Variants in SOD2 observed in about 807,000 individuals in gnomAD.
The protein encoded by SOD2 is superoxide dismutase [Mn], mitochondrial.
Under a neutral mutation model 27.0 loss-of-function variants are expected in SOD2, and 11 were observed. That is an observed-to-expected ratio of 0.41 (90% confidence interval 0.26 to 0.67). SOD2 has a LOEUF of 0.67. Among genes scored for constraint, SOD2 ranks in the 30% least tolerant of loss-of-function variants. The pLI is 0.34. For synonymous variants in SOD2, 105 were observed against 103.0 expected (o/e 1.02, Z -0.12); for missense variants, 250 against 274.5 (o/e 0.91, Z 0.63).
intron 1 of SOD2, among the ~76,000 whole-genome samples, chr6:159,735,502 G>A (rs1225347882): frequency 6.6e-6 from 1 of 152,178 alleles, no homozygotes; most frequent in African/African-American, 2.4e-5. Context: ...TGTAATCCCA[G>A]CACTTTGGGA....
chr6:159,691,462 A>C (rs551732550), intron 2 of SOD2: 1 of 152,224 alleles, frequency 6.6e-6, no homozygotes, highest in African/African-American at 2.4e-5. Context: ...CTGTCTAAAA[A>C]TTACTCAACA....
At chr6:159,743,624 G>A (rs758650494) in intron 1 of SOD2, 2 of 1,548,412 alleles carry the variant, frequency 1.3e-6, no homozygotes, top group South Asian at 1.3e-5. Context: ...TTTAGAACTT[G>A]ATCTTAAAAT....
At position 159,673,312 on chromosome 6, in the gene SOD2, C is replaced by T. The variant is rs998165650; in HGVS notation, c.*9181G>A. On this transcript the variant is annotated 3_prime_UTR_variant, in exon 5 of 5. Transcript: ENST00000538183. ...AGAATATACATTCTTCTCAGCACCA[C>T]ATCGCACCTATTCCAAAATTGACCA... 1.3e-5 allele frequency: 2 copies of T among 152,334 alleles called. No homozygotes were observed. The allele number at this position is 152,334 out of a possible 1,614,324, so 9.4% of individuals were successfully genotyped here. A position where few individuals can be genotyped will look rare whatever the true frequency, so the allele number is the denominator to read the frequency against.
chr6:159,755,227 C>G, intron 1 of SOD2: 1 of 1,614,180 alleles, frequency 6.2e-7, no homozygotes, highest in Non-Finnish European at 8.5e-7. Flanking sequence ...CAAGTAAAGA[C>G]TGCAGTCGTC....
chr6:159,674,995 C>A lies in SOD2; in HGVS notation c.*7498G>T, dbSNP rs1296810376. ...CAAATCATGAGTGAACTCCCATTCA[C>A]AACTGCCTCAAAGAGAATAAAATAC... On this transcript the variant is annotated 3_prime_UTR_variant, in exon 5 of 5. Coordinates refer to ENST00000538183, the MANE Select transcript of SOD2 (RefSeq NM_000636.4). 1 of 152,118 alleles carries A rather than the reference C, an allele frequency of 6.6e-6. No homozygotes were observed. Among genetic ancestry groups the A allele is most frequent in the Non-Finnish European group, 1.5e-5 (1 of 68,038 alleles). The allele number at this position is 152,118 out of a possible 1,614,324, so 9.4% of individuals were successfully genotyped here.
At chr6:159,731,031 C>G (rs1778533503), upstream of SOD2, 1 of 152,132 alleles carries the variant, frequency 6.6e-6, no homozygotes, top group Non-Finnish European at 1.5e-5. Flanking sequence ...GTTCCAGCTC[C>G]TTGGGAGGCT....
At chr6:159,746,486 A>C (rs1779580590), upstream of SOD2, among the ~76,000 whole-genome samples, 2 of 152,164 alleles carry the variant, frequency 1.3e-5, no homozygotes, top group Admixed American at 6.5e-5. Context: ...ATTTGTGTAG[A>C]TCTTTTGTTT....
intron 2 of SOD2, among the ~76,000 whole-genome samples, chr6:159,689,238 C>A (rs569809537): frequency 6.6e-6 from 1 of 152,332 alleles, no homozygotes; most frequent in South Asian, 2.1e-4. Flanking sequence ...GCTGAACACT[C>A]TTCCCCAAGA....
At chr6:159,727,221 C>T (rs979126256) in exon 1 of SOD2, 8 of 1,268,720 alleles carry the variant, frequency 6.3e-6, no homozygotes, top group Middle Eastern at 4.3e-4. Flanking sequence ...TCCATTGTGC[C>T]TCGAGGCCCC....
At chr6:159,693,618 G>T (rs1777349320), upstream of SOD2, among the ~76,000 whole-genome samples, 1 of 152,190 alleles carries the variant, frequency 6.6e-6, no homozygotes, top group African/African-American at 2.4e-5. Context: ...TGCACTAGGC[G>T]GCTGCGGCGC....
rs139992093 is a variant in SOD2 at position 159,740,047 on chromosome 6, G to C, written c.-116+5083C>G. Among the ~76,000 whole-genome samples the C allele has an allele frequency of 2.6e-3, 392 of 151,724 alleles. 5 individuals carry two copies. Among genetic ancestry groups the C allele is most frequent in the African/African-American group, 8.9e-3 (370 of 41,398 alleles). On this transcript the variant is annotated intron_variant, in intron 1 of 3. Coordinates refer to the SOD2 transcript ENST00000537657. ...ATATAAATTATAATAGAGGTGAGGT[G>C]CTGCTCAGGCTGGTCTTGAATGCCT...
At chr6:159,733,402 C>T (rs897108944) in intron 1 of SOD2, among the ~76,000 whole-genome samples, 2 of 152,010 alleles carry the variant, frequency 1.3e-5, no homozygotes, top group Non-Finnish European at 2.9e-5. Flanking sequence ...GGATTGCTTG[C>T]GCCCAGGAGT....
At chr6:159,762,099 C>A in exon 1 of SOD2, 1 of 1,613,336 alleles carries the variant, frequency 6.2e-7, no homozygotes, top group Middle Eastern at 1.7e-4. Flanking sequence ...TGAATGCAGG[C>A]TCAGATCCTG....
chr6:159,692,533 G>A (rs1196635184), intron 2 of SOD2, 128 bp downstream of exon 2: 5 of 1,493,546 alleles, frequency 3.3e-6, no homozygotes, highest in Non-Finnish European at 4.5e-6. Flanking sequence ...TATCGTGCCT[G>A]GAAAACTCGG....
chr6:159,720,860 T>TA (rs1468739168), intron 1 of SOD2, among the ~76,000 whole-genome samples: 1 of 121,956 alleles, frequency 8.2e-6, no homozygotes, highest in African/African-American at 3.1e-5. Flanking sequence ...TTTTTTTTTT[T>TA]TTTTTTTTTT....
intron 1 of SOD2, among the ~76,000 whole-genome samples, chr6:159,698,451 A>G (rs1185980300): frequency 6.6e-6 from 1 of 151,852 alleles, no homozygotes; most frequent in African/African-American, 2.4e-5. Context: ...AAGCACCTGC[A>G]GTCCCAGTTA....
At chr6:159,761,234 G>C (rs774840105) in exon 1 of SOD2, 21 of 197,202 alleles carry the variant, frequency 1.1e-4, no homozygotes, top group Admixed American at 2.3e-4. Context: ...TTGCTGTAAC[G>C]GTGGCCCCTC....
At position 159,692,589 on chromosome 6, in the gene SOD2, T is replaced by C. The variant is rs5746098; in HGVS notation, c.226+72A>G. On this transcript the variant is annotated intron_variant, in intron 2 of 4. Coordinates refer to ENST00000538183, the MANE Select transcript of SOD2 (RefSeq NM_000636.4). ...GAGTTCTCCTCCACGGAGAGGCCCG[T>C]CCGTATGGGGCCTGGCTCCCTGGGG... The C allele has an allele frequency of 1.9e-5, 31 of 1,593,834 alleles. 1 individual carries two copies. In the Admixed American group the frequency reaches 5.2e-4, roughly 27 times the overall value.
intron 1 of SOD2, among the ~76,000 whole-genome samples, chr6:159,740,255 GA>G (rs1208613815): frequency 1.3e-5 from 2 of 152,026 alleles, no homozygotes; most frequent in African/African-American, 4.8e-5. Context: ...TGTAGGAGGG[GA>G]AAAATCAGTA....
Sources: allele counts gnomAD v4.1 joint callset (sites outside exome capture counted in the v4.1 genomes callset), GRCh38; gene constraint gnomAD v4.1.1; transcripts MANE v1.5; gene names NCBI Gene and HGNC (gene_info 2026-07-23, HGNC 2026-07-21).